The following DLG5 variants were observed in gnomAD, a reference collection of about 807,000 sequenced individuals.
DLG5 encodes disks large homolog 5.
In DLG5, 48 loss-of-function variants were observed where a neutral mutation model predicts 189.8. That is an observed-to-expected ratio of 0.25 (90% CI 0.20 to 0.32). The LOEUF (loss-of-function observed/expected upper bound fraction) is 0.32. Among genes scored for constraint, DLG5 ranks in the 10% least tolerant of loss-of-function variants. The pLI is 1.00. For synonymous variants in DLG5, 1,016 were observed against 1,054.1 expected (o/e 0.96, Z 0.70); for missense variants, 2,160 against 2,544.7 (o/e 0.85, Z 3.25).
chr10:77,906,570 C>G (rs767057777), intron 1 of DLG5, among the ~76,000 whole-genome samples: 1 of 151,484 alleles, frequency 6.6e-6, no homozygotes, highest in Non-Finnish European at 1.5e-5. Flanking sequence ...AGGCTCCTCC[C>G]AAGGAGGTCG....
chr10:77,916,976 A>T (rs1378988385), intron 1 of DLG5, among the ~76,000 whole-genome samples: 1 of 150,730 alleles, frequency 6.6e-6, no homozygotes, highest in Non-Finnish European at 1.5e-5. Flanking sequence ...TAAAATATGG[A>T]TGAACCTTGA....
chr10:77,911,620 C>A (rs1268483528), intron 1 of DLG5, among the ~76,000 whole-genome samples: 1 of 152,026 alleles, frequency 6.6e-6, no homozygotes, highest in Non-Finnish European at 1.5e-5. Context: ...AGGTACCATT[C>A]AGACAAGCAA....
intron 1 of DLG5, among the ~76,000 whole-genome samples, chr10:77,887,858 C>G (rs1013621932): frequency 6.6e-6 from 1 of 152,246 alleles, no homozygotes; most frequent in Non-Finnish European, 1.5e-5. Flanking sequence ...CAGAGCCACA[C>G]GCCTTTGTGT....
intron 11 of DLG5, 79 bp from the exon 12 acceptor site, chr10:77,829,609 G>A: frequency 1.3e-6 from 2 of 1,494,070 alleles, no homozygotes; most frequent in Non-Finnish European, 9.0e-7. Flanking sequence ...TCACTCAGGG[G>A]GCTGACTGCC....
chr10:77,881,491 G>C (rs1564572688), intron 1 of DLG5, among the ~76,000 whole-genome samples: 1 of 152,198 alleles, frequency 6.6e-6, no homozygotes, highest in Non-Finnish European at 1.5e-5. Context: ...TCAGCTGCCA[G>C]CCTTGTCCTC....
chr10:77,926,547 G>A lies in DLG5; in HGVS notation c.-27C>T. 3 of 1,237,236 alleles carry A rather than the reference G, an allele frequency of 2.4e-6. No homozygotes were observed. Among genetic ancestry groups the A allele is most frequent in the Non-Finnish European group, 3.0e-6 (3 of 993,056 alleles). The allele number at this position is 1,237,236 out of a possible 1,614,324, so 76.6% of individuals were successfully genotyped here. On this transcript the variant is annotated 5_prime_UTR_variant, in exon 1 of 32. Coordinates refer to ENST00000372391, the MANE Select transcript of DLG5 (RefSeq NM_004747.4). The surrounding 1 kb of genome is among the most constrained non-coding windows in gnomAD (Gnocchi z 5.2). The stretch of plus-strand genomic sequence containing the variant: ...GTGGCGGGCCGCGCCGCCCCGCCCC[G>A]CCGGACGCCTCCCGGGCCCCCCGAG...
chr10:77,837,985 G>A (rs530140900), intron 7 of DLG5, among the ~76,000 whole-genome samples: 6 of 152,292 alleles, frequency 3.9e-5, no homozygotes, highest in African/African-American at 1.4e-4. Flanking sequence ...CCCGAGTGTG[G>A]AGTGGTGCCC....
chr10:77,833,674 G>A (rs140994797), intron 9 of DLG5, among the ~76,000 whole-genome samples: 2 of 152,372 alleles, frequency 1.3e-5, no homozygotes, highest in African/African-American at 4.8e-5. Context: ...CATGGTGCCT[G>A]CCCTGTGTCT....
intron 18 of DLG5, among the ~76,000 whole-genome samples, chr10:77,817,357 G>A (rs1842111368): frequency 6.6e-6 from 1 of 152,214 alleles, no homozygotes; most frequent in Non-Finnish European, 1.5e-5. Context: ...AAGAGACACG[G>A]CAGCTGCTCC....
rs187652129 is a variant in DLG5 at position 77,828,811 on chromosome 10, C to G, written c.2289+71G>C. ...AATATAAAAACTTTGCTCATTACTT[C>G]TTGCTCAAACCTCCCAAATGTAATC... is the stretch of plus-strand genomic sequence containing the variant. On this transcript the variant is annotated intron_variant, in intron 13 of 31. Transcript: ENST00000372391. 1.2e-3 allele frequency: 1,818 copies of G among 1,512,724 alleles called. 4 individuals are homozygous for G. The highest frequency in any genetic ancestry group is 1.2e-3 in the Non-Finnish European group (1,288 of 1,092,974). The allele number at this position is 1,512,724 out of a possible 1,614,324, so 93.7% of individuals were successfully genotyped here.
chr10:77,809,845 C>T (rs1008310778), intron 23 of DLG5, 115 bp from the exon 24 acceptor site: 2 of 1,258,182 alleles, frequency 1.6e-6, no homozygotes, highest in Non-Finnish European at 1.1e-6. Flanking sequence ...CTCAGAACCA[C>T]AGGGAGCTGA....
At position 77,807,821 on chromosome 10, in the gene DLG5, G is replaced by A. The variant is rs375480668; in HGVS notation, c.4771C>T (p.Leu1591=). 2 of 1,613,988 alleles carry A rather than the reference G, an allele frequency of 1.2e-6. No homozygotes were observed. The highest frequency in any genetic ancestry group is 8.5e-7 in the Non-Finnish European group (1 of 1,179,922). ...CTGATGTAGAAGCTGTCACCAGGCA[G>A]GCCCTTGGCCTTCGTGAACTCCTCA... ...RPEEFTKAKG[L]PGDSFYIRAL... Residue 1591 remains leucine, a synonymous_variant, in exon 25 of 32, where the codon CTG becomes TTG. Transcript: ENST00000372391.
Position 77,816,548 on chromosome 10 carries a change from C to A in DLG5, c.4025+3G>T. The A allele has an allele frequency of 6.2e-7, 1 of 1,614,074 alleles. No individual in the cohort carries two copies. Among genetic ancestry groups the A allele is most frequent in the Non-Finnish European group, 8.5e-7 (1 of 1,179,974 alleles). On this transcript the variant is annotated splice_donor_region_variant and intron_variant, in intron 20 of 31. Transcript: ENST00000372391. ...CACTCCACCGATGACCGGCCATGCT[C>A]ACCTGTCCTTTCTCCGCTCCCCGAG...
intron 16 of DLG5, 191 bp downstream of exon 16, chr10:77,819,704 T>C (rs1842239639): frequency 3.6e-6 from 4 of 1,112,656 alleles, no homozygotes; most frequent in South Asian, 3.1e-5. Context: ...GGAGAAAGCA[T>C]GTTGACAAGC....
chr10:77,859,075 T>C (rs1394846897), intron 2 of DLG5, among the ~76,000 whole-genome samples: 1 of 152,080 alleles, frequency 6.6e-6, no homozygotes, highest in Admixed American at 6.5e-5. Flanking sequence ...GGGGTATCGC[T>C]ATGTTGCCCA....
chr10:77,853,676 A>T, intron 4 of DLG5, 139 bp from the exon 5 acceptor site: 1 of 870,138 alleles, frequency 1.1e-6, no homozygotes, highest in Non-Finnish European at 1.6e-6. Flanking sequence ...GGTCTGTAGC[A>T]CTCAGAGGCA....
chr10:77,802,755 C>A (rs1841276918), intron 27 of DLG5, among the ~76,000 whole-genome samples: 1 of 152,062 alleles, frequency 6.6e-6, no homozygotes, highest in African/African-American at 2.4e-5. Context: ...CAAAAATTAG[C>A]CAGATGTGGT....
chr10:77,810,674 C>T (rs1235387255), intron 23 of DLG5, among the ~76,000 whole-genome samples: 3 of 152,244 alleles, frequency 2.0e-5, no homozygotes, highest in South Asian at 2.1e-4. Context: ...GCCTGCTCTG[C>T]GGCGGCCGGC....
chr10:77,806,718 A>AGGGCCCCCC, intron 26 of DLG5, 40 bp downstream of exon 26: 105 of 1,333,598 alleles, frequency 7.9e-5, no homozygotes, highest in Non-Finnish European at 1.1e-4. Flanking sequence ...GCCCTCGGCG[A>AGGGCCCCCC]CCCCTGCCCC....
Sources: allele counts gnomAD v4.1 joint callset (sites outside exome capture counted in the v4.1 genomes callset), GRCh38; gene constraint gnomAD v4.1.1; non-coding constraint Gnocchi (gnomAD v3.1); transcripts MANE v1.5; gene names NCBI Gene and HGNC (gene_info 2026-07-23, HGNC 2026-07-21).